SS18L1: variants seen among roughly 807,000 people sequenced by gnomAD.
The protein encoded by SS18L1 is SS18L1 subunit of BAF chromatin remodeling complex.
In SS18L1, 32 loss-of-function variants were observed where a neutral mutation model predicts 70.3. That is an observed-to-expected ratio of 0.46 (90% confidence interval 0.34 to 0.61). SS18L1 has a LOEUF of 0.61. Ranked by LOEUF, SS18L1 falls within the 20% of genes least tolerant of loss-of-function variation. The pLI is 0.01. For synonymous variants in SS18L1, 237 were observed against 229.7 expected (o/e 1.03, Z -0.29); for missense variants, 430 against 542.1 (o/e 0.79, Z 2.05).
intron 10 of SS18L1, among the ~76,000 whole-genome samples, chr20:62,177,729 G>T (rs968960348): frequency 1.3e-5 from 2 of 152,126 alleles, no homozygotes; most frequent in East Asian, 3.9e-4. Context: ...GTTGTTTTTT[G>T]TTGTTGTTTT....
At chr20:62,145,550 A>G (rs753883888) in intron 1 of SS18L1, among the ~76,000 whole-genome samples, 14 of 152,198 alleles carry the variant, frequency 9.2e-5, no homozygotes, top group Non-Finnish European at 1.6e-4. Flanking sequence ...CGTTTATCCC[A>G]TTATTTGCAC....
At position 62,174,460 on chromosome 20, in the gene SS18L1, AAAAAAAG is replaced by A; in HGVS notation, c.1037-53_1037-47del. ...TTAAAAAAAATTTTTAAGTTAAGAA[AAAAAAAG>A]AAAGAGGTGTCCGTTTTGGCCGGCC... On this transcript the variant is annotated intron_variant, in intron 9 of 10. Coordinates refer to ENST00000331758, the MANE Select transcript of SS18L1 (RefSeq NM_198935.3). This position sits in a 1 kb window ranked among gnomAD's most constrained non-coding sequence, Gnocchi z 4.1. The A allele has an allele frequency of 3.9e-6, 6 of 1,548,808 alleles. No individual in the cohort carries two copies. The South Asian group carries it at 4.8e-5, about 12-fold the overall frequency.
rs559117394 is a variant in SS18L1 at position 62,152,871 on chromosome 20, C to T, written c.70-5801C>T. 8.5e-5 allele frequency among the ~76,000 whole-genome samples: 13 copies of T among 152,324 alleles called. No homozygotes were observed. In the East Asian group the frequency reaches 9.6e-4, roughly 11 times the overall value. ...CAGAGTGGGGGCCACAGCTGCCTGT[C>T]GGTGCATTTCCGTCCTGTCAGGGTC... is the stretch of plus-strand genomic sequence containing the variant. On this transcript the variant is annotated intron_variant, in intron 1 of 10. Coordinates refer to ENST00000331758, the MANE Select transcript of SS18L1 (RefSeq NM_198935.3).
rs975976549 is a variant in SS18L1 at position 62,181,373 on chromosome 20, A to T, written c.*2165A>T. On this transcript the variant is annotated 3_prime_UTR_variant, in exon 11 of 11. Coordinates refer to ENST00000331758, the MANE Select transcript of SS18L1 (RefSeq NM_198935.3). ...TTCATAGACCTAATTTGCAAACTCA[A>T]TCGGGGACTAAAATTTCCCACTGAA... 1 of 207,222 alleles carries T rather than the reference A, an allele frequency of 4.8e-6. No homozygotes were observed. Among genetic ancestry groups the T allele is most frequent in the Non-Finnish European group, 9.9e-6 (1 of 101,436 alleles). The allele number at this position is 207,222 out of a possible 1,614,324, so 12.8% of individuals were successfully genotyped here. A position where few individuals can be genotyped will look rare whatever the true frequency, so the allele number is the denominator to read the frequency against.
intron 8 of SS18L1, among the ~76,000 whole-genome samples, chr20:62,170,633 A>G (rs1472369599): frequency 6.6e-6 from 1 of 152,202 alleles, no homozygotes; most frequent in Non-Finnish European, 1.5e-5. Flanking sequence ...TTCATGCAAC[A>G]CATCTGAAAA....
intron 8 of SS18L1, among the ~76,000 whole-genome samples, chr20:62,171,748 G>A (rs1475319425): frequency 6.6e-6 from 1 of 152,230 alleles, no homozygotes; most frequent in Non-Finnish European, 1.5e-5. Flanking sequence ...GCAGAGCATG[G>A]TGGCTTACGC....
chr20:62,164,636 G>A (rs978932100), intron 7 of SS18L1, among the ~76,000 whole-genome samples: 41 of 152,230 alleles, frequency 2.7e-4, no homozygotes, highest in African/African-American at 8.4e-4. Context: ...GGCTCCACCT[G>A]CAGCACCTCT....
At chr20:62,163,666 C>T (rs750595487) in intron 6 of SS18L1, 44 bp downstream of exon 6, 50 of 1,494,304 alleles carry the variant, frequency 3.3e-5, no homozygotes, top group Middle Eastern at 2.4e-4. Context: ...CTGACCGCCG[C>T]GGGTCGTGAA....
Position 62,157,045 on chromosome 20 carries a change from CT to C in SS18L1, c.70-1626del, listed in dbSNP as rs1376996327. Among the ~76,000 whole-genome samples the C allele has an allele frequency of 4.0e-5, 6 of 150,188 alleles. No individual in the cohort carries two copies. The South Asian group carries it at 1.2e-3, about 31-fold the overall frequency. Reference sequence around the variant, plus strand: ...TCTTCTCAGTCCCCTCCCATACCCCCTCTCTCCTCTCTCGCCTCCCGTTGGG... The same window carrying C: ...TCTTCTCAGTCCCCTCCCATACCCCCCTCTCCTCTCTCGCCTCCCGTTGGG... On this transcript the variant is annotated intron_variant, in intron 1 of 10. Transcript: ENST00000331758.
intron 3 of SS18L1, among the ~76,000 whole-genome samples, chr20:62,160,911 C>T (rs2057317173): frequency 6.6e-6 from 1 of 152,002 alleles, no homozygotes; most frequent in African/African-American, 2.4e-5. Flanking sequence ...TGGGAGAGTG[C>T]TGAGGGCCAC....
rs201677571 is a variant in SS18L1 at position 62,167,038 on chromosome 20, G to GTTTTTT, written c.916+1527_916+1528insTTTTTT. Among the ~76,000 whole-genome samples, 22 of 110,942 alleles carry GTTTTTT rather than the reference G, an allele frequency of 2.0e-4. 1 individual carries two copies. Among genetic ancestry groups the GTTTTTT allele is most frequent in the African/African-American group, 8.4e-4 (18 of 21,554 alleles). The allele number at this position is 110,942 out of a possible 152,430, so 72.8% of individuals were successfully genotyped here. A position where few individuals can be genotyped will look rare whatever the true frequency, so the allele number is the denominator to read the frequency against. On this transcript the variant is annotated intron_variant, in intron 8 of 10. Transcript: ENST00000331758. Reference sequence around the variant, plus strand: ...GAGGATTGCTTGAGCTCAGGAGTTTGTTTGTTTTTTTTTTTTTTTTTTTTT... The same window carrying GTTTTTT: ...GAGGATTGCTTGAGCTCAGGAGTTTGTTTTTTTTTGTTTTTTTTTTTTTTTTTTTTT...
Position 62,163,600 on chromosome 20 carries a change from G to A in SS18L1, c.699G>A (p.Ala233=), listed in dbSNP as rs753902360. The change falls in exon 6 of 11, where the codon GCG becomes GCA. Residue 233 remains alanine (A), a synonymous_variant. Transcript: ENST00000331758. ...GCATGATGGGGCAGCGGCCCATGGC[G>A]CCCTACCGGCCCTCCCAGCAAGGTA... The part of the protein sequence containing the change: ...GSSMMGQRPM[A]PYRPSQQGSS... 8.8e-5 allele frequency: 141 copies of A among 1,597,396 alleles called. No individual in the cohort carries two copies. The highest frequency in any genetic ancestry group is 1.2e-4 in the Admixed American group (7 of 58,694).
intron 10 of SS18L1, among the ~76,000 whole-genome samples, chr20:62,177,136 C>G (rs180833738): frequency 6.6e-6 from 1 of 152,306 alleles, no homozygotes; most frequent in East Asian, 1.9e-4. Context: ...TAAACATGTG[C>G]TGAGGCGGCC....
intron 8 of SS18L1, among the ~76,000 whole-genome samples, chr20:62,167,853 T>A (rs1163903997): frequency 6.6e-6 from 1 of 151,752 alleles, no homozygotes; most frequent in Admixed American, 6.6e-5. Context: ...TCTTGCCCTA[T>A]CACCTAGGCT....
At chr20:62,154,096 A>C (rs1333382280) in intron 1 of SS18L1, among the ~76,000 whole-genome samples, 3 of 152,214 alleles carry the variant, frequency 2.0e-5, no homozygotes, top group African/African-American at 7.2e-5. Context: ...ATGACGCCGT[A>C]CAAAGATTGA....
intron 1 of SS18L1, among the ~76,000 whole-genome samples, chr20:62,144,231 A>G (rs956665052): frequency 7.9e-5 from 12 of 151,708 alleles, no homozygotes; most frequent in Non-Finnish European, 1.3e-4. Flanking sequence ...CGCGCTGGGA[A>G]CTGTCCTGGG....
At position 62,161,348 on chromosome 20, in the gene SS18L1, C is replaced by T. The variant is rs1275637925; in HGVS notation, c.232-88C>T. ...GGCCATGATGTGTGGCGGCAAATCTCGGGTGCCCTCTCATCCCTGGCCTGG... is the reference window on the plus strand; with the variant it reads ...GGCCATGATGTGTGGCGGCAAATCTTGGGTGCCCTCTCATCCCTGGCCTGG... On this transcript the variant is annotated intron_variant, in intron 3 of 10. Coordinates refer to ENST00000331758, the MANE Select transcript of SS18L1 (RefSeq NM_198935.3). This position sits in a 1 kb window ranked among gnomAD's most constrained non-coding sequence, Gnocchi z 4.4. 9 of 1,591,522 alleles carry T rather than the reference C, an allele frequency of 5.7e-6. No individual in the cohort carries two copies. Among genetic ancestry groups the T allele is most frequent in the South Asian group, 1.1e-5 (1 of 89,750 alleles).
intron 1 of SS18L1, chr20:62,154,394 T>G (rs2057185940): frequency 9.5e-7 from 1 of 1,048,220 alleles, no homozygotes; most frequent in African/African-American, 1.7e-5. Flanking sequence ...TGGTTGCGGT[T>G]TCGGCGGACT....
intron 1 of SS18L1, among the ~76,000 whole-genome samples, chr20:62,150,407 G>A (rs2057105508): frequency 6.6e-6 from 1 of 152,196 alleles, no homozygotes; most frequent in Non-Finnish European, 1.5e-5. Context: ...GCCACCTGCT[G>A]ATGCTCGACC....
Sources: gnomAD v4.1 joint callset for allele counts (sites outside exome capture counted in the v4.1 genomes callset) on GRCh38, gnomAD v4.1.1 for gene constraint, Gnocchi (gnomAD v3.1) non-coding constraint, MANE v1.5 for transcripts, NCBI Gene and HGNC (gene_info 2026-07-23, HGNC 2026-07-21) for gene names.